Variants in DNAJC17 observed in about 807,000 individuals in gnomAD.
DNAJC17 encodes the protein DnaJ heat shock protein family (Hsp40) member C17.
In DNAJC17, 35 loss-of-function variants were observed where a neutral mutation model predicts 48.1. That is an observed-to-expected ratio of 0.73 (90% CI 0.56 to 0.96). The LOEUF (loss-of-function observed/expected upper bound fraction) is 0.96, where lower values mean the gene tolerates loss of function less well. Among genes scored for constraint, DNAJC17 ranks in the 50% least tolerant of loss-of-function variants. The probability of loss-of-function intolerance (pLI) is 0.00; values close to 1 mark genes in which losing one functional copy is unlikely to be tolerated. For synonymous variants in DNAJC17, 117 were observed against 142.7 expected, an observed-to-expected ratio of 0.82 and a Z score of 1.28; for missense variants, 355 against 377.1, an observed-to-expected ratio of 0.94 and a Z score of 0.48.
Position 40,770,592 on chromosome 15 carries a change from C to T in DNAJC17, c.793-2530G>A, listed in dbSNP as rs951790123. On this transcript the variant is annotated intron_variant, in intron 10 of 10. Transcript: ENST00000220496. The surrounding 1 kb of genome is among the most constrained non-coding windows in gnomAD (Gnocchi z 5.0). ...GCGGCTCCGGCGACAGAGTAGTGTGCTTAGCCAGGCCAGCACAGCAGGTGG... is the reference window on the plus strand; with the variant it reads ...GCGGCTCCGGCGACAGAGTAGTGTGTTTAGCCAGGCCAGCACAGCAGGTGG... 8.4e-6 allele frequency: 13 copies of T among 1,550,558 alleles called. No homozygotes were observed. Among genetic ancestry groups the T allele is most frequent in the Admixed American group, 3.9e-5 (2 of 50,988 alleles).
At position 40,779,225 on chromosome 15, in the gene DNAJC17, A is replaced by T; in HGVS notation, c.293T>A (p.Leu98His). Residue 98 changes from leucine (L) to histidine (H), a missense_variant and splice_region_variant, in exon 4 of 11, where the codon CTT becomes CAT. By Grantham distance (99) the Leu-to-His change is moderately conservative. Around this residue, in one of 3 missense-constraint regions of DNAJC17, gnomAD observed 199 missense variants for 199.9 expected, o/e 1.00. Coordinates refer to ENST00000220496, the MANE Select transcript of DNAJC17 (RefSeq NM_018163.3). ...KLDEKRKKVK[L>H]DLEARERQAQ... ...CCGAGCACTATGATGGCACCTACCA[A>T]GCTTCACTTTCTTCCTTTTCTCATC... The T allele has an allele frequency of 1.2e-6, 2 of 1,614,066 alleles. No homozygotes were observed. Among genetic ancestry groups the T allele is most frequent in the Non-Finnish European group, 1.7e-6 (2 of 1,180,006 alleles).
Position 40,807,456 on chromosome 15 carries a change from C to T in DNAJC17, c.-10G>A. ...CCTTGGTCACTGCCATGGTTCCGGC[C>T]TGACGGATTCGTACTACAACTCCCA... On this transcript the variant is annotated 5_prime_UTR_variant, in exon 1 of 11. Transcript: ENST00000220496. 1 of 1,614,194 alleles carries T rather than the reference C, an allele frequency of 6.2e-7. No individual in the cohort carries two copies. The highest frequency in any genetic ancestry group is 8.5e-7 in the Non-Finnish European group (1 of 1,179,996).
chr15:40,779,989 C>T lies in DNAJC17; in HGVS notation c.87G>A (p.Lys29=), dbSNP rs1889437733. ...EEKAADKEVK[K]AYRQKALSCH... Reference sequence around the variant, plus strand: ...AGGAGAGGGCCTTCTGCCTATACGCCTTCTTTACCTGGAAGAGTCAGACAG... The same window carrying T: ...AGGAGAGGGCCTTCTGCCTATACGCTTTCTTTACCTGGAAGAGTCAGACAG... Residue 29 remains lysine, a synonymous_variant, in exon 2 of 11, where the codon AAG becomes AAA. Coordinates refer to ENST00000220496, the MANE Select transcript of DNAJC17 (RefSeq NM_018163.3). 6.2e-7 allele frequency: 1 copy of T among 1,614,074 alleles called. No individual in the cohort carries two copies. Among genetic ancestry groups the T allele is most frequent in the Non-Finnish European group, 8.5e-7 (1 of 1,180,004 alleles).
intron 1 of DNAJC17, among the ~76,000 whole-genome samples, chr15:40,803,101 C>CA (rs780051630): frequency 7.0e-3 from 316 of 45,094 alleles, no homozygotes; most frequent in Middle Eastern, 0.013. Context: ...GACCCTGGGT[C>CA]AAAAAAAAAA....
At chr15:40,786,452 C>T (rs1889644962) in intron 1 of DNAJC17, among the ~76,000 whole-genome samples, 2 of 152,062 alleles carry the variant, frequency 1.3e-5, no homozygotes, top group African/African-American at 2.4e-5. Flanking sequence ...TCGCTTGAGC[C>T]CAGGAGTTTG....
In DNAJC17 at chr15:40,765,806, C is replaced by G. The variant is rs377583562; in HGVS notation, c.*2134G>C. 1 of 1,381,902 alleles carries G rather than the reference C, an allele frequency of 7.2e-7. No homozygotes were observed. The highest frequency in any genetic ancestry group is 1.3e-5 in the South Asian group (1 of 77,188). The allele number at this position is 1,381,902 out of a possible 1,614,324, so 85.6% of individuals were successfully genotyped here. A position where few individuals can be genotyped will look rare whatever the true frequency, so the allele number is the denominator to read the frequency against. ...CTCCTCCTGGCAGCCAGCCAAGCAG[C>G]CACTGTGGCTTACCTTGCAGGAGGT... is the stretch of plus-strand genomic sequence containing the variant. On this transcript the variant is annotated 3_prime_UTR_variant, in exon 11 of 11. Coordinates refer to ENST00000220496, the MANE Select transcript of DNAJC17 (RefSeq NM_018163.3).
chr15:40,770,826 C>A lies in DNAJC17; in HGVS notation c.793-2764G>T, dbSNP rs1396941722. 6.4e-7 allele frequency: 1 copy of A among 1,550,996 alleles called. No individual in the cohort carries two copies. The highest frequency in any genetic ancestry group is 8.7e-7 in the Non-Finnish European group (1 of 1,146,984). On this transcript the variant is annotated intron_variant, in intron 10 of 10. Coordinates refer to ENST00000220496, the MANE Select transcript of DNAJC17 (RefSeq NM_018163.3). The surrounding 1 kb of genome is among the most constrained non-coding windows in gnomAD (Gnocchi z 5.0). ...CACAGCAGCCTACTCTGCCACCCTG[C>A]CATCGGCGCTCTCTCTGTCGAGTGC...
At chr15:40,798,995 G>T (rs899076422) in intron 1 of DNAJC17, among the ~76,000 whole-genome samples, 2 of 151,998 alleles carry the variant, frequency 1.3e-5, no homozygotes, top group Non-Finnish European at 2.9e-5. Flanking sequence ...TGAGGCGGGC[G>T]GATCACGAGG....
chr15:40,793,496 A>C (rs1889866100), intron 1 of DNAJC17, among the ~76,000 whole-genome samples: 1 of 151,970 alleles, frequency 6.6e-6, no homozygotes, highest in Admixed American at 6.6e-5. Context: ...GGTGATCCTC[A>C]ATTTTGTTCT....
intron 9 of DNAJC17, 27 bp from the exon 10 acceptor site, chr15:40,773,864 C>T (rs1889234622): frequency 6.3e-7 from 1 of 1,597,006 alleles, no homozygotes; most frequent in Non-Finnish European, 8.6e-7. Context: ...CTAGTCCTGT[C>T]CCATCCGTTG....
At chr15:40,776,157 T>G (rs770236915) in intron 6 of DNAJC17, 39 bp downstream of exon 6, 1 of 1,600,474 alleles carries the variant, frequency 6.2e-7, no homozygotes. Context: ...AATCTGGAGC[T>G]ACCTTGGAGG....
chr15:40,801,100 C>T (rs569297695), intron 1 of DNAJC17, among the ~76,000 whole-genome samples: 97 of 152,306 alleles, frequency 6.4e-4, no homozygotes, highest in Non-Finnish European at 8.5e-4. Flanking sequence ...AAAGTCGTTG[C>T]AGTGGTCTCT....
At chr15:40,795,310 A>C in intron 1 of DNAJC17, among the ~76,000 whole-genome samples, 1 of 151,482 alleles carries the variant, frequency 6.6e-6, no homozygotes, top group East Asian at 2.0e-4. Context: ...GAGGGAAGGA[A>C]GAAAAATATG....
At position 40,770,733 on chromosome 15, in the gene DNAJC17, C is replaced by A; in HGVS notation, c.793-2671G>T. On this transcript the variant is annotated intron_variant, in intron 10 of 10. Coordinates refer to ENST00000220496, the MANE Select transcript of DNAJC17 (RefSeq NM_018163.3). This position sits in a 1 kb window ranked among gnomAD's most constrained non-coding sequence, Gnocchi z 5.0. ...GCCCCGGGCCACCCTGCTGGCCCCA[C>A]CCAAGCCCCCACGCCTCTACCGAGA... is the stretch of plus-strand genomic sequence containing the variant. 1 of 1,545,604 alleles carries A rather than the reference C, an allele frequency of 6.5e-7. No individual in the cohort carries two copies. The highest frequency in any genetic ancestry group is 2.4e-5 in the East Asian group (1 of 40,920).
chr15:40,770,652 C>T lies in DNAJC17; in HGVS notation c.793-2590G>A, dbSNP rs575772446. 3.2e-5 allele frequency: 50 copies of T among 1,549,814 alleles called. No individual in the cohort carries two copies. The highest frequency in any genetic ancestry group is 3.8e-5 in the Non-Finnish European group (44 of 1,146,934). On this transcript the variant is annotated intron_variant, in intron 10 of 10. Coordinates refer to ENST00000220496, the MANE Select transcript of DNAJC17 (RefSeq NM_018163.3). The surrounding 1 kb of genome is among the most constrained non-coding windows in gnomAD (Gnocchi z 5.0). ...GGAGTACAGCAACCGAGAAGTCATCCGGGAGCTACAAGGGAGGCCAGATGG... is the reference window on the plus strand; with the variant it reads ...GGAGTACAGCAACCGAGAAGTCATCTGGGAGCTACAAGGGAGGCCAGATGG...
rs1227789880 is a variant in DNAJC17 at position 40,770,803 on chromosome 15, C to CA, written c.793-2742dup. 1.9e-6 allele frequency: 3 copies of CA among 1,550,060 alleles called. No homozygotes were observed. Among genetic ancestry groups the CA allele is most frequent in the Non-Finnish European group, 2.6e-6 (3 of 1,146,980 alleles). ...ATCCTGGAGCCCCCACCTGCCTACA[C>CA]AGCAGCCTACTCTGCCACCCTGCCA... On this transcript the variant is annotated intron_variant, in intron 10 of 10. Coordinates refer to ENST00000220496, the MANE Select transcript of DNAJC17 (RefSeq NM_018163.3). The surrounding 1 kb of genome is among the most constrained non-coding windows in gnomAD (Gnocchi z 5.0).
chr15:40,783,529 G>A (rs1247713097), intron 1 of DNAJC17, among the ~76,000 whole-genome samples: 1 of 152,174 alleles, frequency 6.6e-6, no homozygotes. Context: ...ATGTAGGGGG[G>A]TTTTGTGGAA....
rs116766505 is a variant in DNAJC17 at position 40,792,138 on chromosome 15, G to T, written c.79-12141C>A. ...TAGGCACTCCACATCTGCATGCCCCGGTTGCTCCTTCAAGCCCTTGTCTGT... is the reference window on the plus strand; with the variant it reads ...TAGGCACTCCACATCTGCATGCCCCTGTTGCTCCTTCAAGCCCTTGTCTGT... On this transcript the variant is annotated intron_variant, in intron 1 of 10. Transcript: ENST00000220496. Among the ~76,000 whole-genome samples the T allele has an allele frequency of 6.7e-3, 1,024 of 152,244 alleles. 14 individuals are homozygous for T. Among genetic ancestry groups the T allele is most frequent in the African/African-American group, 0.023 (971 of 41,530 alleles).
Position 40,792,366 on chromosome 15 carries a change from A to G in DNAJC17, c.79-12369T>C, listed in dbSNP as rs545038363. ...AATGTCAATATTAAGTTTCCCTGGT[A>G]GTTTTCCTGATAAATAGACTTAAGC... On this transcript the variant is annotated intron_variant, in intron 1 of 10. Transcript: ENST00000220496. The G allele has an allele frequency of 2.7e-4, 200 of 729,602 alleles. 2 individuals carry two copies. In the South Asian group the frequency reaches 0.01, roughly 38 times the overall value. The allele number at this position is 729,602 out of a possible 1,614,324, so 45.2% of individuals were successfully genotyped here.
Sources: gnomAD v4.1 joint callset for allele counts (sites outside exome capture counted in the v4.1 genomes callset) on GRCh38, gnomAD v4.1.1 for gene constraint, gnomAD v4.1.1 regional missense constraint, Gnocchi (gnomAD v3.1) non-coding constraint, MANE v1.5 for transcripts, NCBI Gene and HGNC (gene_info 2026-07-23, HGNC 2026-07-21) for gene names.